Variants in STX6 observed in about 807,000 individuals in gnomAD.
STX6 encodes syntaxin 6.
In STX6, 23 loss-of-function variants were observed where a neutral mutation model predicts 38.0. That is an observed-to-expected ratio of 0.60 (90% CI 0.43 to 0.86). STX6 has a LOEUF of 0.86. STX6 is among the 40% of genes least tolerant of loss of function. The pLI, the probability that STX6 is intolerant of heterozygous loss-of-function variation, is 0.00. For missense variants in STX6, 274 were observed against 312.9 expected (o/e 0.88, Z 0.94); for synonymous variants, 123 against 107.5 (o/e 1.14, Z -0.89).
chr1:181,007,159 A>C (rs1005632988), intron 1 of STX6, among the ~76,000 whole-genome samples: 1 of 151,858 alleles, frequency 6.6e-6, no homozygotes, highest in African/African-American at 2.4e-5. Flanking sequence ...TCCACAGGAT[A>C]CCAAATCTGC....
At chr1:180,981,017 T>C (rs889993618) in intron 7 of STX6, among the ~76,000 whole-genome samples, 2 of 152,014 alleles carry the variant, frequency 1.3e-5, no homozygotes, top group African/African-American at 4.8e-5. Context: ...GTTTGGGGGT[T>C]GGGGGAAGGG....
chr1:180,977,787 T>C (rs1010190873), intron 7 of STX6, among the ~76,000 whole-genome samples: 2 of 152,174 alleles, frequency 1.3e-5, no homozygotes, highest in Non-Finnish European at 1.5e-5. Flanking sequence ...TCTATGAAAA[T>C]AAACTGCTAA....
chr1:181,009,829 A>G (rs1205557029), intron 1 of STX6, among the ~76,000 whole-genome samples: 1 of 148,808 alleles, frequency 6.7e-6, no homozygotes, highest in African/African-American at 2.6e-5. Flanking sequence ...AACAACCCAC[A>G]TGTCCTTCAA....
At chr1:181,001,458 T>C (rs1452094975) in intron 3 of STX6, among the ~76,000 whole-genome samples, 1 of 152,260 alleles carries the variant, frequency 6.6e-6, no homozygotes, top group African/African-American at 2.4e-5. Context: ...ATGGGTATTA[T>C]TCTAAATAAC....
intron 2 of STX6, among the ~76,000 whole-genome samples, chr1:181,004,945 T>TAA (rs200256100): frequency 7.0e-6 from 1 of 143,384 alleles, no homozygotes; most frequent in African/African-American, 2.6e-5. Context: ...GGTAGAGACT[T>TAA]AAAAAAAAAA....
At chr1:181,022,168 GACA>G in intron 1 of STX6, among the ~76,000 whole-genome samples, 1 of 151,914 alleles carries the variant, frequency 6.6e-6, no homozygotes, top group South Asian at 2.1e-4. Context: ...CCAGTCTGCG[GACA>G]AGCGCTCCAA....
intron 2 of STX6, among the ~76,000 whole-genome samples, chr1:181,003,245 T>C (rs1656133031): frequency 6.6e-6 from 1 of 152,138 alleles, no homozygotes; most frequent in Non-Finnish European, 1.5e-5. Context: ...TCTGCAGGTA[T>C]CTATTTGTGT....
rs1030603140 is a variant in STX6, at chr1:180,973,652, C to T, written c.*2918G>A. On this transcript the variant is annotated 3_prime_UTR_variant, in exon 8 of 8. Coordinates refer to ENST00000258301, the MANE Select transcript of STX6 (RefSeq NM_005819.6). ...GAAATTGTGGAAGATCCTCATGTAA[C>T]ACACACGCTGCAACCTGCATTTGCC... 6.6e-6 allele frequency: 1 copy of T among 152,642 alleles called. No homozygotes were observed. Among genetic ancestry groups the T allele is most frequent in the Non-Finnish European group, 1.5e-5 (1 of 68,038 alleles). The allele number at this position is 152,642 out of a possible 1,614,324, so 9.5% of individuals were successfully genotyped here. A position where few individuals can be genotyped will look rare whatever the true frequency, so the allele number is the denominator to read the frequency against.
intron 5 of STX6, 134 bp from the exon 6 acceptor site, chr1:180,988,479 G>A: frequency 1.5e-6 from 1 of 648,760 alleles, no homozygotes. Flanking sequence ...AGAAATCAAA[G>A]GACCAGACCG....
At chr1:181,012,865 G>T (rs1464799392) in intron 1 of STX6, among the ~76,000 whole-genome samples, 2 of 151,624 alleles carry the variant, frequency 1.3e-5, no homozygotes, top group Non-Finnish European at 2.9e-5. Flanking sequence ...GTAGAGACGG[G>T]GTTTCTCCAT....
chr1:180,984,736 G>A lies in STX6; in HGVS notation c.632C>T (p.Thr211Ile), dbSNP rs919576431. ...CATCACATTGTCCAGCCGGGACTGAGTGCTCTCCAATTCGTGAGAGAAATC... is the reference window on the plus strand; with the variant it reads ...CATCACATTGTCCAGCCGGGACTGAATGCTCTCCAATTCGTGAGAGAAATC... ...LEDFSHELES[T>I]QSRLDNVMKK... Residue 211 changes from threonine (T) to isoleucine (I), a missense_variant, in exon 7 of 8, where the codon ACT becomes ATT. Thr to Ile is a moderately conservative substitution (Grantham distance 89). Coordinates refer to ENST00000258301, the MANE Select transcript of STX6 (RefSeq NM_005819.6). 6.3e-7 allele frequency: 1 copy of A among 1,596,230 alleles called. No homozygotes were observed. Among genetic ancestry groups the A allele is most frequent in the African/African-American group, 1.3e-5 (1 of 74,706 alleles).
chr1:181,004,117 T>A (rs201466933), intron 2 of STX6, among the ~76,000 whole-genome samples: 1 of 152,160 alleles, frequency 6.6e-6, no homozygotes, highest in East Asian at 1.9e-4. Flanking sequence ...AATAATCCTA[T>A]GAGCTAGGTA....
chr1:181,006,307 C>T (rs772075286), intron 1 of STX6, among the ~76,000 whole-genome samples: 1 of 151,626 alleles, frequency 6.6e-6, no homozygotes, highest in Non-Finnish European at 1.5e-5. Flanking sequence ...AGGTGATCCA[C>T]CTGCCTCAGC....
chr1:180,992,368 T>C (rs185930230), intron 4 of STX6, among the ~76,000 whole-genome samples: 1 of 152,352 alleles, frequency 6.6e-6, no homozygotes, highest in Admixed American at 6.5e-5. Context: ...AATATTTGTT[T>C]TCAAAATTAA....
chr1:180,974,452 G>A lies in STX6; in HGVS notation c.*2118C>T, dbSNP rs922404683. 6 of 152,624 alleles carry A rather than the reference G, an allele frequency of 3.9e-5. No individual in the cohort carries two copies. The highest frequency in any genetic ancestry group is 1.3e-4 in the Admixed American group (2 of 15,274). 9.5% of individuals were successfully genotyped at this position (152,624 alleles called of 1,614,324 possible). On this transcript the variant is annotated 3_prime_UTR_variant, in exon 8 of 8. Coordinates refer to ENST00000258301, the MANE Select transcript of STX6 (RefSeq NM_005819.6). The stretch of plus-strand genomic sequence containing the variant: ...CTCTGGGTCATAAAACTTGGTCCCT[G>A]AACTAACAGGAGTATCTTACTCATT...
chr1:180,979,116 GA>G (rs557315685), intron 7 of STX6, among the ~76,000 whole-genome samples: 3 of 152,066 alleles, frequency 2.0e-5, no homozygotes, highest in East Asian at 1.9e-4. Flanking sequence ...ATTCTAGAAT[GA>G]AAAAAATAGA....
chr1:180,984,587 G>A (rs1049604973), intron 7 of STX6, 90 bp downstream of exon 7: 4 of 522,214 alleles, frequency 7.7e-6, no homozygotes, highest in South Asian at 6.2e-5. Flanking sequence ...ATAAGAAAGG[G>A]ATCTGGATGG....
chr1:180,980,062 C>T (rs565029042), intron 7 of STX6, among the ~76,000 whole-genome samples: 1 of 152,222 alleles, frequency 6.6e-6, no homozygotes, highest in South Asian at 2.1e-4. Context: ...CAAAAATTAG[C>T]TGGGCGTGGT....
chr1:180,997,925 A>AT, intron 3 of STX6, among the ~76,000 whole-genome samples: 1 of 152,328 alleles, frequency 6.6e-6, no homozygotes, highest in Non-Finnish European at 1.5e-5. Context: ...ACGAAGAGGC[A>AT]TTTTCTCTTC....
Sources: allele counts gnomAD v4.1 joint callset (sites outside exome capture counted in the v4.1 genomes callset), GRCh38; gene constraint gnomAD v4.1.1; transcripts MANE v1.5; gene names NCBI Gene and HGNC (gene_info 2026-07-23, HGNC 2026-07-21).